ADAMTS9: variants seen among roughly 807,000 people sequenced by gnomAD.
ADAMTS9 encodes A disintegrin and metalloproteinase with thrombospondin motifs 9.
In ADAMTS9, 107 loss-of-function variants were observed where a neutral mutation model predicts 257.1. That is an observed-to-expected ratio of 0.42 (90% CI 0.36 to 0.49). The LOEUF is 0.49. ADAMTS9 is among the 20% of genes least tolerant of loss of function. The pLI is 0.03. For synonymous variants in ADAMTS9, 982 were observed against 880.9 expected (o/e 1.11, Z -2.03); for missense variants, 2,353 against 2,469.1 (o/e 0.95, Z 1.00).
intron 31 of ADAMTS9, among the ~76,000 whole-genome samples, chr3:64,548,387 G>C (rs1039453865): frequency 6.6e-6 from 1 of 152,242 alleles, no homozygotes; most frequent in Non-Finnish European, 1.5e-5. Context: ...CGCCAGGCCA[G>C]GAAAGTGTAA....
intron 38 of ADAMTS9, among the ~76,000 whole-genome samples, chr3:64,527,944 T>C (rs1284607294): frequency 1.3e-5 from 2 of 152,196 alleles, no homozygotes; most frequent in Admixed American, 6.5e-5. Flanking sequence ...TGAACTCCAC[T>C]GTTTGCAAGT....
intron 31 of ADAMTS9, among the ~76,000 whole-genome samples, chr3:64,549,285 T>C (rs986907449): frequency 6.6e-6 from 1 of 152,188 alleles, no homozygotes. Context: ...TTCTCCCTGT[T>C]TCATCTTTTG....
chr3:64,677,808 T>G lies in ADAMTS9; in HGVS notation c.679+3393A>C, dbSNP rs902619854. ...AACCAGGAATATGGACAGTTCCTGG[T>G]TTTCTCCTCCTGGCACAGAGAAGTT... On this transcript the variant is annotated intron_variant, in intron 3 of 39. Coordinates refer to ENST00000498707, the MANE Select transcript of ADAMTS9 (RefSeq NM_182920.2). Among the ~76,000 whole-genome samples, 3 of 152,082 alleles carry G rather than the reference T, an allele frequency of 2.0e-5. No individual in the cohort carries two copies. The East Asian group carries it at 5.8e-4, about 29-fold the overall frequency.
intron 22 of ADAMTS9, among the ~76,000 whole-genome samples, chr3:64,609,616 C>T (rs997472607): frequency 4.6e-5 from 7 of 152,016 alleles, no homozygotes; most frequent in South Asian, 2.1e-4. Context: ...TAAAACTTTG[C>T]TCAAGAAATT....
intron 28 of ADAMTS9, among the ~76,000 whole-genome samples, chr3:64,591,450 AG>A (rs1559781069): frequency 6.6e-6 from 1 of 152,038 alleles, no homozygotes; most frequent in African/African-American, 2.4e-5. Flanking sequence ...AAAAAAAAAA[AG>A]GAACCTTATT....
At chr3:64,675,205 T>A (rs1273670727) in intron 3 of ADAMTS9, among the ~76,000 whole-genome samples, 1 of 152,204 alleles carries the variant, frequency 6.6e-6, no homozygotes, top group Non-Finnish European at 1.5e-5. Context: ...TGTGTCTCAG[T>A]TTTCCAATCT....
In ADAMTS9 at chr3:64,643,629, T is replaced by A. The variant is rs1263688545; in HGVS notation, c.1711-1636A>T. On this transcript the variant is annotated intron_variant, in intron 11 of 39. Transcript: ENST00000498707. ...CACCATGCTCAGCTAAATTTTTTTA[T>A]CTTTTATAGAGACAGTTAGGGGTGG... 7.2e-5 allele frequency among the ~76,000 whole-genome samples: 11 copies of A among 151,728 alleles called. No homozygotes were observed. The South Asian group carries it at 1.5e-3, about 20-fold the overall frequency.
chr3:64,542,558 T>G (rs9311893), intron 32 of ADAMTS9, among the ~76,000 whole-genome samples: 133,080 of 151,692 alleles, frequency 0.88, 59,340 homozygotes, highest in Non-Finnish European at 0.97. Flanking sequence ...CTCCCGAGTA[T>G]CTGGGACTAC....
Position 64,654,373 on chromosome 3 carries a change from G to T in ADAMTS9, c.1296C>A (p.Ile432=), listed in dbSNP as rs767859551. Residue 432 remains isoleucine, a synonymous_variant, in exon 8 of 40, where the codon ATC becomes ATA. Coordinates refer to ENST00000498707, the MANE Select transcript of ADAMTS9 (RefSeq NM_182920.2). ...EDSGLSTAFT[I]AHELGHVFNM... The stretch of plus-strand genomic sequence containing the variant: ...CTCACACATGGCCCAGCTCATGGGC[G>T]ATCGTAAAAGCTGTACTCAATCCAC... The T allele has an allele frequency of 1.2e-6, 2 of 1,613,892 alleles. No homozygotes were observed. Among genetic ancestry groups the T allele is most frequent in the Admixed American group, 1.7e-5 (1 of 59,998 alleles).
At chr3:64,655,435 G>A in intron 6 of ADAMTS9, 141 bp downstream of exon 6, 1 of 676,298 alleles carries the variant, frequency 1.5e-6, no homozygotes, top group Admixed American at 2.6e-5. Flanking sequence ...GCAATGCACA[G>A]AAGGAATTGT....
chr3:64,596,329 A>G (rs1042301130), intron 27 of ADAMTS9, among the ~76,000 whole-genome samples: 2 of 152,188 alleles, frequency 1.3e-5, no homozygotes, highest in African/African-American at 4.8e-5. Flanking sequence ...AAATAATTCC[A>G]TATTTGAGAA....
At position 64,650,609 on chromosome 3, in the gene ADAMTS9, G is replaced by A. The variant is rs182772768; in HGVS notation, c.1463+408C>T. The A allele has an allele frequency of 1.3e-3, 204 of 158,872 alleles. 3 individuals carry two copies. Among genetic ancestry groups the A allele is most frequent in the Non-Finnish European group, 1.8e-4 (13 of 72,978 alleles). The allele number at this position is 158,872 out of a possible 1,614,324, so 9.8% of individuals were successfully genotyped here. A position where few individuals can be genotyped will look rare whatever the true frequency, so the allele number is the denominator to read the frequency against. ...GCTGCTGTAATTTCCACTCATCCACGGAATCTGCTTTGGGATCATCTCACT... is the reference window on the plus strand; with the variant it reads ...GCTGCTGTAATTTCCACTCATCCACAGAATCTGCTTTGGGATCATCTCACT... On this transcript the variant is annotated intron_variant, in intron 9 of 39. Coordinates refer to ENST00000498707, the MANE Select transcript of ADAMTS9 (RefSeq NM_182920.2).
At chr3:64,641,512 T>C (rs1340648536) in intron 12 of ADAMTS9, among the ~76,000 whole-genome samples, 50 of 122,898 alleles carry the variant, frequency 4.1e-4, no homozygotes, top group Admixed American at 1.3e-3. Context: ...GATGTTCCCC[T>C]TCCTGTGTCC....
chr3:64,529,820 T>C (rs1485169724), intron 38 of ADAMTS9, among the ~76,000 whole-genome samples: 1 of 151,876 alleles, frequency 6.6e-6, no homozygotes, highest in Non-Finnish European at 1.5e-5. Flanking sequence ...TGTGGTGGGT[T>C]TTGTTTTGTT....
chr3:64,653,001 T>C (rs1406550789), intron 8 of ADAMTS9, among the ~76,000 whole-genome samples: 2 of 152,188 alleles, frequency 1.3e-5, no homozygotes. Flanking sequence ...CATAAATTCC[T>C]TGCTTAAACT....
chr3:64,541,751 A>G lies in ADAMTS9; in HGVS notation c.5197+87T>C, dbSNP rs115553452. On this transcript the variant is annotated intron_variant, in intron 33 of 39. Transcript: ENST00000498707. ...AATGATTTCCTTCAGAAAAAATTCT[A>G]TATTTCTAAAAAGGGCAGGCAATCA... The G allele has an allele frequency of 2.9e-4, 455 of 1,579,640 alleles. 2 individuals carry two copies. The highest frequency in any genetic ancestry group is 5.3e-4 in the Admixed American group (30 of 57,090).
At chr3:64,625,944 C>G (rs1005061785) in intron 16 of ADAMTS9, among the ~76,000 whole-genome samples, 1 of 152,142 alleles carries the variant, frequency 6.6e-6, no homozygotes, top group African/African-American at 2.4e-5. Context: ...GCCATATATC[C>G]TTCTACATGG....
At chr3:64,609,503 TA>T (rs1478576308) in intron 22 of ADAMTS9, among the ~76,000 whole-genome samples, 1 of 151,324 alleles carries the variant, frequency 6.6e-6, no homozygotes, top group Non-Finnish European at 1.5e-5. Context: ...ATCCCAAAAG[TA>T]AATTTAAAAA....
At chr3:64,535,552 C>CTTTTTTTTTTTTTTTTTTTT (rs57945713) in intron 37 of ADAMTS9, among the ~76,000 whole-genome samples, 2 of 84,662 alleles carry the variant, frequency 2.4e-5, no homozygotes, top group African/African-American at 4.0e-5. Context: ...CTTTTCTTTT[C>CTTTTTTTTTTTTTTTTTTTT]TTTTTTTTTT....
Sources: allele counts gnomAD v4.1 joint callset (sites outside exome capture counted in the v4.1 genomes callset), GRCh38; gene constraint gnomAD v4.1.1; transcripts MANE v1.5; gene names NCBI Gene and HGNC (gene_info 2026-07-23, HGNC 2026-07-21).